The following EYA1 variants were observed in gnomAD, a reference collection of about 807,000 sequenced individuals.
EYA1 encodes protein phosphatase EYA1.
A neutral mutation model predicts 82.0 loss-of-function variants in EYA1; 16 were observed. The observed-to-expected ratio is 0.20, with a 90% CI of 0.13 to 0.30. EYA1 has a LOEUF of 0.30. Ranked by LOEUF, EYA1 falls within the 10% of genes least tolerant of loss-of-function variation. The pLI is 1.00. For synonymous variants in EYA1, 261 were observed against 264.4 expected (o/e 0.99, Z 0.12); for missense variants, 633 against 730.7 (o/e 0.87, Z 1.54).
At chr8:71,409,408 C>A (rs1830459343) in intron 2 of EYA1, among the ~76,000 whole-genome samples, 1 of 5,818 alleles carries the variant, frequency 1.7e-4, no homozygotes. Context: ...ACACAAAAAA[C>A]CCTTCAAAAA....
intron 2 of EYA1, among the ~76,000 whole-genome samples, chr8:71,526,611 GGCTTCAGTCCCTGGCCAC>G: frequency 1.3e-5 from 2 of 152,188 alleles, no homozygotes; most frequent in African/African-American, 4.8e-5. Context: ...TGTTGTGGAA[GGCTTCAGTCCCTGGCCAC>G]ATGTGCCCCT....
At chr8:71,392,314 T>C (rs1829323374) in intron 2 of EYA1, among the ~76,000 whole-genome samples, 1 of 152,258 alleles carries the variant, frequency 6.6e-6, no homozygotes, top group East Asian at 1.9e-4. Flanking sequence ...TCCAAAAAGA[T>C]AAAGAATTTC....
intron 2 of EYA1, among the ~76,000 whole-genome samples, chr8:71,453,015 A>T (rs1323761698): frequency 1.3e-5 from 2 of 152,112 alleles, no homozygotes; most frequent in Admixed American, 1.3e-4. Context: ...AAGCTAAAAA[A>T]CCTTGAAAAA....
intron 2 of EYA1, among the ~76,000 whole-genome samples, chr8:71,393,397 T>A (rs999579317): frequency 1.3e-5 from 2 of 152,172 alleles, no homozygotes; most frequent in African/African-American, 4.8e-5. Context: ...CTGCACCCGT[T>A]AACTCCTCAT....
At chr8:71,315,337 T>TAAG (rs1821799033) in intron 7 of EYA1, among the ~76,000 whole-genome samples, 2 of 152,258 alleles carry the variant, frequency 1.3e-5, no homozygotes, top group Non-Finnish European at 2.9e-5. Context: ...TAGCTTTAGC[T>TAAG]TTTGGTGGAC....
At chr8:71,433,522 C>T (rs1805782876) in intron 2 of EYA1, among the ~76,000 whole-genome samples, 1 of 152,128 alleles carries the variant, frequency 6.6e-6, no homozygotes, top group African/African-American at 2.4e-5. Flanking sequence ...TAGTGAGCTG[C>T]AATTTAAATA....
intron 2 of EYA1, among the ~76,000 whole-genome samples, chr8:71,380,339 C>T (rs979245692): frequency 6.6e-6 from 1 of 152,176 alleles, no homozygotes; most frequent in African/African-American, 2.4e-5. Flanking sequence ...GAATTGCCTC[C>T]TTGGGAACTC....
intron 17 of EYA1, among the ~76,000 whole-genome samples, chr8:71,202,890 G>C (rs928673387): frequency 6.6e-5 from 10 of 152,216 alleles, no homozygotes; most frequent in Non-Finnish European, 1.0e-4. Flanking sequence ...TCAAACTCCT[G>C]TTAACAATCA....
intron 3 of EYA1, among the ~76,000 whole-genome samples, chr8:71,339,886 G>C (rs1316581051): frequency 6.6e-5 from 10 of 151,868 alleles, no homozygotes; most frequent in Non-Finnish European, 1.5e-5. Flanking sequence ...TTCTTCCTTT[G>C]ACTACTCTGT....
rs1237549248 is a variant in EYA1, at chr8:71,303,271, T to A, written c.557-3551A>T. On this transcript the variant is annotated intron_variant, in intron 7 of 17. Coordinates refer to ENST00000340726, the MANE Select transcript of EYA1 (RefSeq NM_000503.6). ...CATCTGTCCATCTATCTCCATGATA[T>A]ATGTGTGTGTTTATCAATCTCTGTG... Among the ~76,000 whole-genome samples the A allele has an allele frequency of 2.9e-5, 4 of 137,226 alleles. 1 individual carries two copies. Among genetic ancestry groups the A allele is most frequent in the African/African-American group, 1.0e-4 (4 of 39,264 alleles). The allele number at this position is 137,226 out of a possible 152,430, so 90.0% of individuals were successfully genotyped here.
chr8:71,261,471 A>T (rs1212762745), intron 11 of EYA1, among the ~76,000 whole-genome samples: 1 of 152,208 alleles, frequency 6.6e-6, no homozygotes, highest in African/African-American at 2.4e-5. Context: ...ATGATCTGGA[A>T]AAACACCCCC....
At chr8:71,503,299 C>T (rs1004490312) in intron 2 of EYA1, among the ~76,000 whole-genome samples, 2 of 151,970 alleles carry the variant, frequency 1.3e-5, no homozygotes, top group African/African-American at 4.8e-5. Flanking sequence ...TTCGAGAAAC[C>T]CCGTCTCTAC....
At chr8:71,267,415 C>T (rs1351467378) in intron 11 of EYA1, among the ~76,000 whole-genome samples, 1 of 152,210 alleles carries the variant, frequency 6.6e-6, no homozygotes, top group Non-Finnish European at 1.5e-5. Flanking sequence ...AGATCTTCCT[C>T]AGAAACCTGG....
chr8:71,478,455 T>C (rs1296378787), intron 2 of EYA1, among the ~76,000 whole-genome samples: 1 of 152,206 alleles, frequency 6.6e-6, no homozygotes, highest in Non-Finnish European at 1.5e-5. Flanking sequence ...AGTATGTTCA[T>C]GCTTTCTTTA....
At chr8:71,403,133 G>A (rs1830044995) in intron 2 of EYA1, among the ~76,000 whole-genome samples, 1 of 152,148 alleles carries the variant, frequency 6.6e-6, no homozygotes, top group Non-Finnish European at 1.5e-5. Flanking sequence ...CAGCATAACT[G>A]AAGTCAAAGA....
At chr8:71,456,561 A>C (rs1807935886) in intron 2 of EYA1, among the ~76,000 whole-genome samples, 1 of 152,202 alleles carries the variant, frequency 6.6e-6, no homozygotes, top group African/African-American at 2.4e-5. Flanking sequence ...AAACAGAGAT[A>C]TAGATCAATG....
At chr8:71,312,170 T>C (rs979392975) in intron 7 of EYA1, among the ~76,000 whole-genome samples, 21 of 152,242 alleles carry the variant, frequency 1.4e-4, no homozygotes, top group African/African-American at 4.6e-4. Flanking sequence ...TGACTAGTTA[T>C]ATAACTAAGT....
intron 9 of EYA1, among the ~76,000 whole-genome samples, chr8:71,284,133 C>T (rs750396580): frequency 6.6e-6 from 1 of 152,180 alleles, no homozygotes; most frequent in Non-Finnish European, 1.5e-5. Context: ...GCTGTGCAGC[C>T]TCTGATGGGT....
chr8:71,541,070 C>T (rs575728674), intron 1 of EYA1, among the ~76,000 whole-genome samples: 19 of 152,316 alleles, frequency 1.2e-4, no homozygotes, highest in Non-Finnish European at 7.3e-5. Flanking sequence ...ATGTCTGTCA[C>T]CTCTTCTGTG....
Sources: gnomAD v4.1 joint callset for allele counts (sites outside exome capture counted in the v4.1 genomes callset) on GRCh38, gnomAD v4.1.1 for gene constraint, MANE v1.5 for transcripts, NCBI Gene and HGNC (gene_info 2026-07-23, HGNC 2026-07-21) for gene names.